Variants in PREX1 observed in about 807,000 individuals in gnomAD.
PREX1 encodes the protein phosphatidylinositol 3,4,5-trisphosphate-dependent Rac exchanger 1 protein.
In PREX1, 41 loss-of-function variants were observed where a neutral mutation model predicts 198.3. That is an observed-to-expected ratio of 0.21 (90% CI 0.16 to 0.27). The LOEUF is 0.27. Among genes scored for constraint, PREX1 ranks in the 10% least tolerant of loss-of-function variants. The pLI is 1.00. For missense variants in PREX1, 1,620 were observed against 2,200.7 expected, an observed-to-expected ratio of 0.74 and a Z score of 5.28; for synonymous variants, 843 against 887.2, an observed-to-expected ratio of 0.95 and a Z score of 0.89.
chr20:48,710,967 T>C (rs1039539187), intron 5 of PREX1, among the ~76,000 whole-genome samples: 19 of 152,196 alleles, frequency 1.2e-4, no homozygotes, highest in Non-Finnish European at 2.1e-4. Context: ...GTGGGGTGTT[T>C]GGGTTTCCTC....
chr20:48,649,616 C>T, intron 24 of PREX1, 40 bp from the exon 25 acceptor site: 2 of 1,538,918 alleles, frequency 1.3e-6, no homozygotes, highest in Non-Finnish European at 1.8e-6. Flanking sequence ...AAAACAGCCC[C>T]CAGCATCCAC....
At chr20:48,652,815 G>A in intron 20 of PREX1, 109 bp from the exon 21 acceptor site, 1 of 1,297,126 alleles carries the variant, frequency 7.7e-7, no homozygotes, top group Non-Finnish European at 1.0e-6. Context: ...GAAACTCACT[G>A]ACCACCAGTC....
the PREX1 span, among the ~76,000 whole-genome samples, chr20:48,872,051 C>G: frequency 6.6e-6 from 1 of 151,038 alleles, no homozygotes; most frequent in Non-Finnish European, 1.5e-5. Context: ...CCCAGCTACT[C>G]GGGAGGCTGA....
At position 48,661,527 on chromosome 20, in the gene PREX1, ATG is replaced by A. The variant is rs536771095; in HGVS notation, c.1739-1468_1739-1467del. Reference sequence around the variant, plus strand: ...GTATATAACATATATAATATATATAATGTGTGTGTGTGTGTGTATATATATAT... The same window carrying A: ...GTATATAACATATATAATATATATAATGTGTGTGTGTGTGTATATATATAT... On this transcript the variant is annotated intron_variant, in intron 15 of 39. Transcript: ENST00000371941. 1.1e-3 allele frequency among the ~76,000 whole-genome samples: 134 copies of A among 121,228 alleles called. 1 individual carries two copies. Among genetic ancestry groups the A allele is most frequent in the African/African-American group, 3.0e-3 (92 of 31,020 alleles). The allele number at this position is 121,228 out of a possible 152,430, so 79.5% of individuals were successfully genotyped here.
intron 27 of PREX1, among the ~76,000 whole-genome samples, chr20:48,643,024 G>T (rs1352610429): frequency 6.6e-6 from 1 of 152,222 alleles, no homozygotes; most frequent in Non-Finnish European, 1.5e-5. Context: ...CAAGACTGCA[G>T]TGACAGTGGG....
At position 48,655,315 on chromosome 20, in the gene PREX1, TG is replaced by T; in HGVS notation, c.2183del (p.Pro728HisfsTer25). 1.3e-6 allele frequency: 2 copies of T among 1,595,122 alleles called. No homozygotes were observed. The highest frequency in any genetic ancestry group is 1.7e-6 in the Non-Finnish European group (2 of 1,166,312). On this transcript the variant is annotated frameshift_variant, in exon 19 of 40. Transcript: ENST00000371941. LOFTEE classifies it high-confidence loss of function. ...CTCTCCCCACAGCATAGACGTACGG[TG>T]GGGCAGCTCCACGAATCTGGAAGCA... Reference protein sequence around the residue: ...TLCFQIRGAAPPYVYAVGRGS... With the variant: ...TLCFQIRGAAXPYVYAVGRGS...
intron 1 of PREX1, among the ~76,000 whole-genome samples, chr20:48,749,628 T>A (rs2090125302): frequency 6.6e-6 from 1 of 152,188 alleles, no homozygotes; most frequent in South Asian, 2.1e-4. Context: ...CCCGGCCACC[T>A]GCCCAGACTC....
chr20:48,793,986 C>A (rs1051062241), intron 1 of PREX1, among the ~76,000 whole-genome samples: 1 of 152,186 alleles, frequency 6.6e-6, no homozygotes, highest in Non-Finnish European at 1.5e-5. Context: ...AGGAGAAGAA[C>A]CCCTTACTCA....
chr20:48,711,982 C>T (rs1283003540), intron 5 of PREX1, among the ~76,000 whole-genome samples: 11 of 152,218 alleles, frequency 7.2e-5, no homozygotes, highest in Non-Finnish European at 1.3e-4. Context: ...AGCATGGAGC[C>T]ACCATGCTGC....
intron 14 of PREX1, among the ~76,000 whole-genome samples, chr20:48,673,425 A>T (rs1275167836): frequency 6.6e-6 from 1 of 152,152 alleles, no homozygotes; most frequent in Non-Finnish European, 1.5e-5. Flanking sequence ...ACCCACCCTG[A>T]GTTAGGCATG....
At position 48,654,703 on chromosome 20, in the gene PREX1, T is replaced by C. The variant is rs547196491; in HGVS notation, c.2209+587A>G. The stretch of plus-strand genomic sequence containing the variant: ...TGAACACCTAGTAAACACACAACTA[T>C]GACCACACAAGTGAAAAATTTATGT... On this transcript the variant is annotated intron_variant, in intron 19 of 39. Coordinates refer to ENST00000371941, the MANE Select transcript of PREX1 (RefSeq NM_020820.4). Among the ~76,000 whole-genome samples, 53 of 152,358 alleles carry C rather than the reference T, an allele frequency of 3.5e-4. 1 individual carries two copies. The South Asian group carries it at 0.01, about 30-fold the overall frequency.
rs999536750 is a variant in PREX1, at chr20:48,749,348, G to A, written c.220-1468C>T. Among the ~76,000 whole-genome samples the A allele has an allele frequency of 7.2e-5, 11 of 152,174 alleles. No individual in the cohort carries two copies. In the East Asian group the frequency reaches 9.6e-4, roughly 13 times the overall value. ...TGGATGACAGATTGGGGGTCCACAC[G>A]GGGGCTGCTCCAGGTGAGCACATGG... On this transcript the variant is annotated intron_variant, in intron 1 of 39. Transcript: ENST00000371941.
Position 48,656,285 on chromosome 20 carries a change from G to A in PREX1, c.2123+755C>T, listed in dbSNP as rs58930078. Among the ~76,000 whole-genome samples, 613 of 151,878 alleles carry A rather than the reference G, an allele frequency of 4.0e-3. 6 individuals carry two copies. Among genetic ancestry groups the A allele is most frequent in the African/African-American group, 0.014 (589 of 41,382 alleles). ...GTCTGCTCCTCCCACCCCTGCTCTC[G>A]CACTCTGCTGAGCCACCACCTCCTC... On this transcript the variant is annotated intron_variant, in intron 18 of 39. Transcript: ENST00000371941.
chr20:48,653,280 C>A, intron 20 of PREX1, 81 bp downstream of exon 20: 2 of 1,555,596 alleles, frequency 1.3e-6, no homozygotes, highest in Non-Finnish European at 1.7e-6. Context: ...GCAGGCTTTT[C>A]TCTAAAGAGA....
chr20:48,720,832 C>T (rs1013113267), intron 5 of PREX1, among the ~76,000 whole-genome samples: 2 of 152,018 alleles, frequency 1.3e-5, no homozygotes, highest in Non-Finnish European at 2.9e-5. Flanking sequence ...AGGTAACAGC[C>T]GAATGACAAG....
chr20:48,853,936 T>C, the PREX1 span, among the ~76,000 whole-genome samples: 1 of 152,186 alleles, frequency 6.6e-6, no homozygotes, highest in Non-Finnish European at 1.5e-5. Context: ...TGAACCTGGA[T>C]GGGTGAGCCA....
At chr20:48,710,398 T>C (rs1394675774) in intron 5 of PREX1, among the ~76,000 whole-genome samples, 3 of 152,208 alleles carry the variant, frequency 2.0e-5, no homozygotes, top group Non-Finnish European at 4.4e-5. Context: ...TGACTATTAC[T>C]ACTACCAACA....
chr20:48,847,371 A>AAACAAAAAAAAAAAAAC, the PREX1 span, among the ~76,000 whole-genome samples: 1 of 149,394 alleles, frequency 6.7e-6, no homozygotes, highest in African/African-American at 2.5e-5. Context: ...TTATAAAAAA[A>AAACAAAAAAAAAAAAAC]AAAAAAAAAA....
At chr20:48,711,292 T>A (rs1184533075) in intron 5 of PREX1, among the ~76,000 whole-genome samples, 1 of 152,152 alleles carries the variant, frequency 6.6e-6, no homozygotes, top group African/African-American at 2.4e-5. Flanking sequence ...AGCCTGCTTG[T>A]AGGCATGTCC....
Sources: gnomAD v4.1 joint callset for allele counts (sites outside exome capture counted in the v4.1 genomes callset) on GRCh38, gnomAD v4.1.1 for gene constraint, MANE v1.5 for transcripts, NCBI Gene and HGNC (gene_info 2026-07-23, HGNC 2026-07-21) for gene names.